GNL3: variants seen among roughly 807,000 people sequenced by gnomAD.
GNL3 encodes the protein guanine nucleotide-binding protein-like 3.
A neutral mutation model predicts 70.6 loss-of-function variants in GNL3; 77 were observed. That is an observed-to-expected ratio of 1.09 (90% CI 0.91 to 1.32). GNL3 has a LOEUF of 1.32. Among genes scored for constraint, GNL3 ranks in the 40% most tolerant of loss-of-function variants. The pLI, the probability that GNL3 is intolerant of heterozygous loss-of-function variation, is 0.00. For synonymous variants in GNL3, 252 were observed against 216.1 expected, an observed-to-expected ratio of 1.17 and a Z score of -1.46; for missense variants, 634 against 644.0, an observed-to-expected ratio of 0.98 and a Z score of 0.17.
chr3:52,686,817 T>C lies in GNL3; in HGVS notation c.62T>C (p.Ile21Thr). 6.2e-7 allele frequency: 1 copy of C among 1,610,108 alleles called. No homozygotes were observed. The highest frequency in any genetic ancestry group is 2.2e-5 in the East Asian group (1 of 44,862). The stretch of plus-strand genomic sequence containing the variant: ...ATGACCTGCCATAAGCGGTATAAAA[T>C]CCAAAAAAAGGTAAGTGTAGTGCTT... ...KRMTCHKRYKIQKKVREHHRK... is the reference protein window; with the variant it reads ...KRMTCHKRYKTQKKVREHHRK... Residue 21 changes from isoleucine to threonine, a missense_variant, in exon 2 of 15, where the codon ATC becomes ACC. Coordinates refer to ENST00000418458, the MANE Select transcript of GNL3 (RefSeq NM_014366.5).
In GNL3 at chr3:52,693,274, G is replaced by C; in HGVS notation, c.1132G>C (p.Gly378Arg). ...TCAGAGAAGAGGTATGCACCAAAAAGGTGGAATCCCAAATGTTGAAGGTGC... is the reference window on the plus strand; with the variant it reads ...TCAGAGAAGAGGTATGCACCAAAAACGTGGAATCCCAAATGTTGAAGGTGC... ...LAQRRGMHQK[G>R]GIPNVEGAAK... is the part of the protein sequence containing the mutation. The change falls in exon 11 of 15, where the codon GGT becomes CGT. Residue 378 changes from glycine to arginine, a missense_variant. Transcript: ENST00000418458. The C allele has an allele frequency of 6.2e-7, 1 of 1,614,074 alleles. No individual in the cohort carries two copies. The highest frequency in any genetic ancestry group is 1.1e-5 in the South Asian group (1 of 91,070).
chr3:52,687,710 G>A (rs2097322885), intron 4 of GNL3, 95 bp downstream of exon 4: 2 of 720,062 alleles, frequency 2.8e-6, no homozygotes, highest in Non-Finnish European at 4.8e-6. Context: ...ACAACTCACT[G>A]CAACCTGGAC....
rs761275727 is a variant in GNL3, at chr3:52,690,973, C to T, written c.683C>T (p.Pro228Leu). ...GTGAAGGCAAAGAAGAATGCTGCTC[C>T]ATTCAGAAGTGAAGTCTGCTTTGGG... is the stretch of plus-strand genomic sequence containing the variant. ...KRVKAKKNAA[P>L]FRSEVCFGKE... Residue 228 changes from proline (P) to leucine (L), a missense_variant, in exon 8 of 15, where the codon CCA becomes CTA. By Grantham distance (98) the Pro-to-Leu change is moderately conservative. Coordinates refer to ENST00000418458, the MANE Select transcript of GNL3 (RefSeq NM_014366.5). 4 of 1,613,778 alleles carry T rather than the reference C, an allele frequency of 2.5e-6. No homozygotes were observed. Among genetic ancestry groups the T allele is most frequent in the Non-Finnish European group, 3.4e-6 (4 of 1,179,658 alleles).
At chr3:52,691,496 C>G in intron 8 of GNL3, 46 bp from the exon 9 acceptor site, 1 of 1,109,934 alleles carries the variant, frequency 9.0e-7, no homozygotes, top group Non-Finnish European at 1.4e-6. Flanking sequence ...TTCATAAGTG[C>G]CAACATATAA....
Position 52,691,605 on chromosome 3 carries a change from T to C in GNL3, c.845T>C (p.Val282Ala), listed in dbSNP as rs1488806341. The C allele has an allele frequency of 3.1e-6, 5 of 1,592,936 alleles. No individual in the cohort carries two copies. The East Asian group carries it at 8.9e-5, about 28-fold the overall frequency. ...TTAAAACAAGAACAGATGTGTAATG[T>C]TGGTGTATCCATGGGGCTTACAAGG... is the stretch of plus-strand genomic sequence containing the variant. The part of the protein sequence containing the change: ...NSLKQEQMCN[V>A]GVSMGLTRSM... The change falls in exon 9 of 15, where the codon GTT becomes GCT. Residue 282 changes from valine (V) to alanine (A), a missense_variant. Coordinates refer to ENST00000418458, the MANE Select transcript of GNL3 (RefSeq NM_014366.5).
In GNL3 at chr3:52,693,639, G is replaced by C; in HGVS notation, c.1332G>C (p.Lys444Asn). ...GCTTGCTTTCTTTCCCAGCCATCAA[G>C]GGCCCTCATTTGGCCAATAGCATCC... ...KNNAQSIRAI[K>N]GPHLANSILF... Residue 444 changes from lysine to asparagine, a missense_variant, in exon 13 of 15, where the codon AAG becomes AAC. Physicochemically the swap from Lys to Asn is moderately conservative, Grantham distance 94. Coordinates refer to ENST00000418458, the MANE Select transcript of GNL3 (RefSeq NM_014366.5). The C allele has an allele frequency of 6.2e-7, 1 of 1,613,976 alleles. No individual in the cohort carries two copies. The highest frequency in any genetic ancestry group is 8.5e-7 in the Non-Finnish European group (1 of 1,179,920).
At position 52,694,018 on chromosome 3, in the gene GNL3, AT is replaced by A; in HGVS notation, c.1501-14del. The A allele has an allele frequency of 1.2e-6, 2 of 1,605,018 alleles. No individual in the cohort carries two copies. The highest frequency in any genetic ancestry group is 1.7e-6 in the Non-Finnish European group (2 of 1,171,786). On this transcript the variant is annotated intron_variant, in intron 13 of 14. Coordinates refer to ENST00000418458, the MANE Select transcript of GNL3 (RefSeq NM_014366.5). Reference sequence around the variant, plus strand: ...AGACAAGGGCTACTAATCCAGCACTATTTTTCTTTGTCACACAGGAAAACAG... The same window carrying A: ...AGACAAGGGCTACTAATCCAGCACTATTTTCTTTGTCACACAGGAAAACAG...
In GNL3 at chr3:52,686,121, A is replaced by G; in HGVS notation, c.13+16A>G. On this transcript the variant is annotated intron_variant, in intron 1 of 14. Transcript: ENST00000418458. ...AAAAGGCCTAGTAAGTGGGGTCGGG[A>G]GGCGGGCGTGGAGGGACCCACGTCT... is the stretch of plus-strand genomic sequence containing the variant. 6.4e-7 allele frequency: 1 copy of G among 1,573,520 alleles called. No individual in the cohort carries two copies. The highest frequency in any genetic ancestry group is 8.7e-7 in the Non-Finnish European group (1 of 1,146,886).
At chr3:52,688,083 G>T in intron 4 of GNL3, 26 bp from the exon 5 acceptor site, 1 of 1,352,076 alleles carries the variant, frequency 7.4e-7, no homozygotes, top group South Asian at 1.2e-5. Context: ...TTCTAATTTT[G>T]TGTTATTTCC....
chr3:52,688,934 T>G, intron 5 of GNL3, 140 bp from the exon 6 acceptor site: 7 of 693,676 alleles, frequency 1.0e-5, no homozygotes, highest in East Asian at 2.5e-5. Flanking sequence ...AGTGAAGACA[T>G]GAGATCCAAC....
chr3:52,687,814 A>C (rs2097323422), intron 4 of GNL3, 199 bp downstream of exon 4: 2 of 596,508 alleles, frequency 3.4e-6, no homozygotes, highest in East Asian at 2.8e-5. Flanking sequence ...TTTAGCAGAC[A>C]CGGGCTTTCA....
chr3:52,690,724 A>G lies in GNL3; in HGVS notation c.654+20A>G. 1 of 1,375,254 alleles carries G rather than the reference A, an allele frequency of 7.3e-7. No homozygotes were observed. The highest frequency in any genetic ancestry group is 1.2e-5 in the South Asian group (1 of 84,224). The allele number at this position is 1,375,254 out of a possible 1,614,324, so 85.2% of individuals were successfully genotyped here. ...ACCAAGGTATCCTTTATTAGTGGTAAGAAATGTGATTCTTTCAGATTTTGG... is the reference window on the plus strand; with the variant it reads ...ACCAAGGTATCCTTTATTAGTGGTAGGAAATGTGATTCTTTCAGATTTTGG... On this transcript the variant is annotated intron_variant, in intron 7 of 14. Transcript: ENST00000418458.
At position 52,694,035 on chromosome 3, in the gene GNL3, A is replaced by G. The variant is rs776934753; in HGVS notation, c.1501-2A>G. The G allele has an allele frequency of 5.6e-6, 9 of 1,612,764 alleles. No homozygotes were observed. The Admixed American group carries it at 1.5e-4, about 27-fold the overall frequency. ...CCAGCACTATTTTTCTTTGTCACAC[A>G]GGAAAACAGCTCAGGCATGTTTGCT... is the stretch of plus-strand genomic sequence containing the variant. On this transcript the variant is annotated splice_acceptor_variant, in intron 13 of 14. Coordinates refer to ENST00000418458, the MANE Select transcript of GNL3 (RefSeq NM_014366.5). LOFTEE classifies it high-confidence loss of function.
chr3:52,686,200 C>T (rs182211853), intron 1 of GNL3, 95 bp downstream of exon 1: 7 of 1,391,504 alleles, frequency 5.0e-6, no homozygotes, highest in Non-Finnish European at 6.1e-6. Context: ...TTTGTCTCTG[C>T]TGGTATGGGG....
rs1031839541 is a variant in GNL3, at chr3:52,693,268, C to A, written c.1126C>A (p.Gln376Lys). The A allele has an allele frequency of 6.2e-7, 1 of 1,613,744 alleles. No individual in the cohort carries two copies. Among genetic ancestry groups the A allele is most frequent in the Non-Finnish European group, 8.5e-7 (1 of 1,179,878 alleles). ...GCTTGCTCAGAGAAGAGGTATGCAC[C>A]AAAAAGGTGGAATCCCAAATGTTGA... ...TVLAQRRGMH[Q>K]KGGIPNVEGA... Residue 376 changes from glutamine (Q) to lysine (K), a missense_variant, in exon 11 of 15, where the codon CAA becomes AAA. Physicochemically the swap from Gln to Lys is moderately conservative, Grantham distance 53 (BLOSUM62 1). Transcript: ENST00000418458.
chr3:52,690,866 C>T (rs992972327), intron 7 of GNL3, 79 bp from the exon 8 acceptor site: 5 of 1,422,470 alleles, frequency 3.5e-6, no homozygotes, highest in Admixed American at 3.4e-5. Context: ...AAGAGCTGGG[C>T]TCTGGAGCCT....
rs376154800 is a variant in GNL3, at chr3:52,690,925, T to G, written c.655-20T>G. On this transcript the variant is annotated intron_variant, in intron 7 of 14. Coordinates refer to ENST00000418458, the MANE Select transcript of GNL3 (RefSeq NM_014366.5). Reference sequence around the variant, plus strand: ...TTATCAGGTAAGTTGCCAGAATAATTCAACTATTTGGAATTTTAGCGTGTG... The same window carrying G: ...TTATCAGGTAAGTTGCCAGAATAATGCAACTATTTGGAATTTTAGCGTGTG... 12 of 1,612,456 alleles carry G rather than the reference T, an allele frequency of 7.4e-6. No individual in the cohort carries two copies. In the African/African-American group the frequency reaches 1.6e-4, roughly 22 times the overall value.
intron 5 of GNL3, among the ~76,000 whole-genome samples, chr3:52,688,627 C>T (rs1578573825): frequency 6.6e-6 from 1 of 152,154 alleles, no homozygotes; most frequent in Non-Finnish European, 1.5e-5. Flanking sequence ...CTAAAGGTCT[C>T]TAAAGTACTC....
At position 52,686,353 on chromosome 3, in the gene GNL3, GT is replaced by G. The variant is rs2097311310; in HGVS notation, c.13+249del. ...GTGGGGAAGACTAGGCTAGATTTTC[GT>G]AAGGAAGCAGCGTCTGAGCCAGGTT... is the stretch of plus-strand genomic sequence containing the variant. On this transcript the variant is annotated intron_variant, in intron 1 of 14. Transcript: ENST00000418458. The G allele has an allele frequency of 5.1e-6, 3 of 591,684 alleles. No homozygotes were observed. In the South Asian group the frequency reaches 6.1e-5, roughly 12 times the overall value. 36.7% of individuals were successfully genotyped at this position (591,684 alleles called of 1,614,324 possible). A position where few individuals can be genotyped will look rare whatever the true frequency, so the allele number is the denominator to read the frequency against.
Sources: gnomAD v4.1 joint callset for allele counts (sites outside exome capture counted in the v4.1 genomes callset) on GRCh38, gnomAD v4.1.1 for gene constraint, MANE v1.5 for transcripts, NCBI Gene and HGNC (gene_info 2026-07-23, HGNC 2026-07-21) for gene names.